BMPR1B: variants seen among roughly 807,000 people sequenced by gnomAD.
BMPR1B encodes the protein bone morphogenetic protein receptor type-1B.
A neutral mutation model predicts 59.1 loss-of-function variants in BMPR1B; 12 were observed. That is an observed-to-expected ratio of 0.20 (90% CI 0.13 to 0.33). The LOEUF is 0.33. BMPR1B is among the 10% of genes least tolerant of loss of function. The probability of loss-of-function intolerance (pLI) is 1.00; values close to 1 mark genes in which losing one functional copy is unlikely to be tolerated. For missense variants in BMPR1B, 550 were observed against 610.9 expected, an observed-to-expected ratio of 0.90 and a Z score of 1.05; for synonymous variants, 237 against 207.3, an observed-to-expected ratio of 1.14 and a Z score of -1.23.
intron 2 of BMPR1B, among the ~76,000 whole-genome samples, chr4:94,884,426 T>G (rs1727093166): frequency 6.6e-6 from 1 of 152,046 alleles, no homozygotes; most frequent in Non-Finnish European, 1.5e-5. Flanking sequence ...CTTGGGAGGC[T>G]GAGGCAGGAG....
At chr4:94,969,691 T>A (rs1445051498) in intron 2 of BMPR1B, among the ~76,000 whole-genome samples, 1 of 152,222 alleles carries the variant, frequency 6.6e-6, no homozygotes, top group Non-Finnish European at 1.5e-5. Flanking sequence ...AATACATACA[T>A]ATTTCACTTG....
At chr4:94,954,045 G>A (rs1730049775) in intron 2 of BMPR1B, among the ~76,000 whole-genome samples, 1 of 151,682 alleles carries the variant, frequency 6.6e-6, no homozygotes, top group African/African-American at 2.4e-5. Flanking sequence ...TCTTCCACTT[G>A]ATCGATTTGG....
Position 95,155,515 on chromosome 4 carries a change from A to G in BMPR1B, c.*842A>G, listed in dbSNP as rs1322710403. 2.0e-5 allele frequency: 2 copies of G among 100,152 alleles called. No homozygotes were observed. The highest frequency in any genetic ancestry group is 3.7e-5 in the Non-Finnish European group (2 of 54,762). The allele number at this position is 100,152 out of a possible 1,614,324, so 6.2% of individuals were successfully genotyped here. ...TTTTTTTTTTTTTTTTTTAATGTGC[A>G]GAGGATTGACCTGTGCATGCTTTTG... On this transcript the variant is annotated 3_prime_UTR_variant, in exon 13 of 13. Transcript: ENST00000515059.
At chr4:94,931,429 A>T (rs1729089130) in intron 2 of BMPR1B, among the ~76,000 whole-genome samples, 1 of 152,088 alleles carries the variant, frequency 6.6e-6, no homozygotes, top group South Asian at 2.1e-4. Flanking sequence ...GGATCTTTTT[A>T]AGTGGTTTTC....
chr4:94,796,636 T>C (rs928432269), intron 1 of BMPR1B, among the ~76,000 whole-genome samples: 6 of 152,152 alleles, frequency 3.9e-5, no homozygotes, highest in Non-Finnish European at 7.4e-5. Flanking sequence ...TTAACCTCAT[T>C]AAAGACAGAA....
At chr4:94,999,980 G>A (rs1388949847) in intron 3 of BMPR1B, among the ~76,000 whole-genome samples, 2 of 152,052 alleles carry the variant, frequency 1.3e-5, no homozygotes, top group African/African-American at 4.8e-5. Context: ...TTTTAGCTCT[G>A]ATATTCAATA....
chr4:94,939,740 G>A (rs749074606), intron 2 of BMPR1B, among the ~76,000 whole-genome samples: 1 of 152,106 alleles, frequency 6.6e-6, no homozygotes, highest in African/African-American at 2.4e-5. Flanking sequence ...ATTTTTTAGG[G>A]ATAGCGATTA....
intron 2 of BMPR1B, among the ~76,000 whole-genome samples, chr4:94,880,271 C>T (rs1726905556): frequency 6.6e-6 from 1 of 152,108 alleles, no homozygotes; most frequent in Non-Finnish European, 1.5e-5. Flanking sequence ...CAAGGCAGAA[C>T]AGCAAATATG....
At chr4:94,818,212 TA>T (rs1223663980) in intron 1 of BMPR1B, among the ~76,000 whole-genome samples, 1 of 152,224 alleles carries the variant, frequency 6.6e-6, no homozygotes, top group Non-Finnish European at 1.5e-5. Flanking sequence ...GTTATACTTT[TA>T]TTATTTTAGT....
intron 3 of BMPR1B, among the ~76,000 whole-genome samples, chr4:95,088,288 C>A (rs1729737743): frequency 6.6e-6 from 1 of 152,118 alleles, no homozygotes; most frequent in Non-Finnish European, 1.5e-5. Flanking sequence ...AATGGTCTCT[C>A]TGCTTATACT....
intron 3 of BMPR1B, among the ~76,000 whole-genome samples, chr4:95,089,318 C>CT (rs1034068247): frequency 6.6e-6 from 1 of 151,640 alleles, no homozygotes; most frequent in Non-Finnish European, 1.5e-5. Context: ...TTTTGTTGTT[C>CT]TTTTTTTGGC....
intron 1 of BMPR1B, among the ~76,000 whole-genome samples, chr4:94,855,842 A>T (rs1037234627): frequency 2.0e-5 from 3 of 152,236 alleles, no homozygotes; most frequent in Non-Finnish European, 4.4e-5. Context: ...TTTAACTTAC[A>T]TTTAAATTTT....
chr4:95,115,514 T>C (rs1731955480), intron 5 of BMPR1B, among the ~76,000 whole-genome samples, 171 bp from the exon 6 acceptor site: 1 of 152,182 alleles, frequency 6.6e-6, no homozygotes, highest in Non-Finnish European at 1.5e-5. Flanking sequence ...AGATAATACA[T>C]GGTAGCTTGA....
chr4:94,972,407 A>G (rs925850747), intron 2 of BMPR1B, among the ~76,000 whole-genome samples: 1 of 152,158 alleles, frequency 6.6e-6, no homozygotes, highest in Non-Finnish European at 1.5e-5. Flanking sequence ...CATTAGTTCT[A>G]TTACTTGATA....
intron 3 of BMPR1B, among the ~76,000 whole-genome samples, chr4:95,013,003 A>C (rs968165999): frequency 6.6e-6 from 1 of 152,178 alleles, no homozygotes; most frequent in African/African-American, 2.4e-5. Flanking sequence ...ATACTTTAAA[A>C]AATGTTGAAA....
At chr4:94,979,254 T>C (rs1731146151) in intron 2 of BMPR1B, among the ~76,000 whole-genome samples, 3 of 152,130 alleles carry the variant, frequency 2.0e-5, no homozygotes. Flanking sequence ...AAAGAAATCA[T>C]CCATACTTCT....
intron 1 of BMPR1B, among the ~76,000 whole-genome samples, chr4:94,799,034 T>C (rs1402941392): frequency 6.6e-6 from 1 of 151,528 alleles, no homozygotes; most frequent in Admixed American, 6.6e-5. Context: ...AGTGCGTTAG[T>C]GTGTGTTTCT....
intron 3 of BMPR1B, among the ~76,000 whole-genome samples, chr4:95,094,606 A>G (rs1426229473): frequency 1.3e-5 from 2 of 152,132 alleles, no homozygotes; most frequent in African/African-American, 4.8e-5. Context: ...CCTCCACCCC[A>G]CTGCAACCAG....
intron 1 of BMPR1B, among the ~76,000 whole-genome samples, chr4:94,796,973 A>G (rs1246941159): frequency 6.6e-6 from 1 of 152,174 alleles, no homozygotes; most frequent in Admixed American, 6.5e-5. Flanking sequence ...CAAGAGATAC[A>G]TATGTGTATT....
Sources: gnomAD v4.1 joint callset for allele counts (sites outside exome capture counted in the v4.1 genomes callset) on GRCh38, gnomAD v4.1.1 for gene constraint, MANE v1.5 for transcripts, NCBI Gene and HGNC (gene_info 2026-07-23, HGNC 2026-07-21) for gene names.